ANKFN1: variants seen among roughly 807,000 people sequenced by gnomAD.
The protein encoded by ANKFN1 is ankyrin repeat and fibronectin type-III domain-containing protein 1.
Under a neutral mutation model 108.7 loss-of-function variants are expected in ANKFN1, and 74 were observed. That is an observed-to-expected ratio of 0.68 (90% CI 0.56 to 0.83). ANKFN1 has a LOEUF of 0.83. Among genes scored for constraint, ANKFN1 ranks in the 40% least tolerant of loss-of-function variants. ANKFN1 has a pLI of 0.00. For synonymous variants in ANKFN1, 547 were observed against 516.2 expected (o/e 1.06, Z -0.81); for missense variants, 1,505 against 1,382.3 (o/e 1.09, Z -1.41).
rs111996850 is a variant in ANKFN1 at position 56,457,009 on chromosome 17, A to G, written c.1307+49A>G. The G allele has an allele frequency of 8.6e-4, 1,332 of 1,543,638 alleles. 7 individuals are homozygous for G. The African/African-American group carries it at 8.8e-3, about 10-fold the overall frequency. On this transcript the variant is annotated intron_variant, in intron 12 of 20. Transcript: ENST00000682825. ...GGAAATCTTAACTTTTCAAGAATGCACTGGTTTTGGTTCTGAGTAGAAACT... is the reference window on the plus strand; with the variant it reads ...GGAAATCTTAACTTTTCAAGAATGCGCTGGTTTTGGTTCTGAGTAGAAACT...
chr17:56,105,717 G>GTGTC (rs1905738250), intron 4 of ANKFN1, among the ~76,000 whole-genome samples: 1 of 147,384 alleles, frequency 6.8e-6, no homozygotes, highest in Non-Finnish European at 1.5e-5. Flanking sequence ...TTGTCTGTGT[G>GTGTC]TGTGTGTGTG....
At chr17:56,146,246 G>C (rs1284914923) in intron 4 of ANKFN1, among the ~76,000 whole-genome samples, 2 of 152,170 alleles carry the variant, frequency 1.3e-5, no homozygotes, top group Admixed American at 1.3e-4. Flanking sequence ...CCTCTCAGCT[G>C]CTTTCATGGC....
chr17:56,227,669 C>A (rs571914957), intron 2 of ANKFN1, among the ~76,000 whole-genome samples: 1 of 152,104 alleles, frequency 6.6e-6, no homozygotes, highest in East Asian at 1.9e-4. Context: ...TCTTGAAATT[C>A]TAGGATACTA....
intron 4 of ANKFN1, among the ~76,000 whole-genome samples, chr17:56,082,259 TTTG>T (rs147027830): frequency 0.085 from 12,862 of 151,682 alleles, 903 homozygotes; most frequent in African/African-American, 0.2. Flanking sequence ...CAACCAAGTT[TTTG>T]TTGTTGTTGT....
chr17:56,146,678 CT>C (rs1472228063), intron 4 of ANKFN1, among the ~76,000 whole-genome samples: 1 of 152,178 alleles, frequency 6.6e-6, no homozygotes. Context: ...ATGCAGGGCA[CT>C]GTGTGCTGAG....
At chr17:56,414,371 G>A (rs967571776) in intron 8 of ANKFN1, among the ~76,000 whole-genome samples, 3 of 152,088 alleles carry the variant, frequency 2.0e-5, no homozygotes, top group Admixed American at 6.5e-5. Flanking sequence ...GGTGGAAGAG[G>A]AGGAACTTCC....
intron 4 of ANKFN1, among the ~76,000 whole-genome samples, chr17:56,143,998 A>G (rs1476388792): frequency 1.3e-5 from 2 of 152,124 alleles, no homozygotes; most frequent in African/African-American, 4.8e-5. Flanking sequence ...ATAATCTGCT[A>G]TAGTAACCCT....
At chr17:56,060,015 T>C (rs942569838) in intron 4 of ANKFN1, among the ~76,000 whole-genome samples, 2 of 152,218 alleles carry the variant, frequency 1.3e-5, no homozygotes, top group Non-Finnish European at 2.9e-5. Flanking sequence ...ATAAATTACT[T>C]TGGGCAGTAT....
intron 8 of ANKFN1, among the ~76,000 whole-genome samples, chr17:56,406,987 C>G (rs1362583605): frequency 2.6e-5 from 4 of 151,992 alleles, no homozygotes; most frequent in South Asian, 4.1e-4. Flanking sequence ...GAATTAGCCC[C>G]AAGAAGTATC....
rs898279131 is a variant in ANKFN1 at position 56,155,527 on chromosome 17, G to A, written c.-71+1997G>A. The stretch of plus-strand genomic sequence containing the variant: ...CCTTTTTTCTGGATAGCGTGGTCAG[G>A]AAGGTTCTCTTTGAGGAGGTGACAG... On this transcript the variant is annotated intron_variant, in intron 1 of 20. Transcript: ENST00000682825. Among the ~76,000 whole-genome samples the A allele has an allele frequency of 1.5e-4, 23 of 152,290 alleles. No individual in the cohort carries two copies. The South Asian group carries it at 1.7e-3, about 11-fold the overall frequency.
chr17:56,236,281 A>G (rs752308187), intron 3 of ANKFN1, among the ~76,000 whole-genome samples: 3 of 151,804 alleles, frequency 2.0e-5, no homozygotes, highest in Non-Finnish European at 4.4e-5. Flanking sequence ...ATGGTCTCGA[A>G]CTCCTGACCT....
chr17:56,052,359 T>C (rs1904793013), intron 4 of ANKFN1, among the ~76,000 whole-genome samples: 1 of 152,022 alleles, frequency 6.6e-6, no homozygotes, highest in Non-Finnish European at 1.5e-5. Context: ...CCAGTGGAAG[T>C]GGTGGGGCAG....
chr17:56,150,767 C>A (rs1908553723), upstream of ANKFN1, among the ~76,000 whole-genome samples: 1 of 152,118 alleles, frequency 6.6e-6, no homozygotes, highest in Non-Finnish European at 1.5e-5. Context: ...GACTCTCATT[C>A]CATGATGTCT....
intron 10 of ANKFN1, among the ~76,000 whole-genome samples, chr17:56,448,813 C>T (rs1313786213): frequency 6.6e-6 from 1 of 152,164 alleles, no homozygotes; most frequent in East Asian, 1.9e-4. Context: ...TCCCAAATTC[C>T]TGTTTTCTTT....
chr17:56,048,483 T>A (rs375103081), intron 4 of ANKFN1, among the ~76,000 whole-genome samples: 1 of 152,008 alleles, frequency 6.6e-6, no homozygotes, highest in Non-Finnish European at 1.5e-5. Flanking sequence ...GATTCTTTAT[T>A]TTTTTCTCTC....
At chr17:56,396,650 T>C (rs2047596098) in intron 8 of ANKFN1, among the ~76,000 whole-genome samples, 1 of 152,152 alleles carries the variant, frequency 6.6e-6, no homozygotes, top group Non-Finnish European at 1.5e-5. Flanking sequence ...GCCCATACCA[T>C]GTGCTAGCCA....
At chr17:56,188,541 G>GTA (rs200851638) in intron 1 of ANKFN1, among the ~76,000 whole-genome samples, 1 of 92,812 alleles carries the variant, frequency 1.1e-5, no homozygotes, top group Non-Finnish European at 2.0e-5. Context: ...AAAATAAGAT[G>GTA]TATATGTGTG....
intron 4 of ANKFN1, among the ~76,000 whole-genome samples, chr17:56,126,198 G>T (rs1275459895): frequency 6.6e-6 from 1 of 152,060 alleles, no homozygotes; most frequent in East Asian, 1.9e-4. Flanking sequence ...TCCTCCAGGG[G>T]TGTTTTTGCT....
Position 56,492,314 on chromosome 17 carries a change from TGCCAAACAA to T in ANKFN1, c.2389_2397del (p.Ala797_Gln799del), listed in dbSNP as rs2051066346. On this transcript the variant is annotated inframe_deletion, in exon 19 of 21. Coordinates refer to ENST00000682825, the MANE Select transcript of ANKFN1 (RefSeq NM_001370326.1). The stretch of plus-strand genomic sequence containing the variant: ...CAATCTCAGACAGCGAGGTTGCAGC[TGCCAAACAA>T]AGACACCAGCAAGTTTTAGATTTCA... 1.4e-6 allele frequency: 1 copy of T among 702,418 alleles called. No individual in the cohort carries two copies. The highest frequency in any genetic ancestry group is 2.6e-6 in the Non-Finnish European group (1 of 384,698). 43.5% of individuals were successfully genotyped at this position (702,418 alleles called of 1,614,324 possible). A position where few individuals can be genotyped will look rare whatever the true frequency, so the allele number is the denominator to read the frequency against.
Sources: gnomAD v4.1 joint callset for allele counts (sites outside exome capture counted in the v4.1 genomes callset) on GRCh38, gnomAD v4.1.1 for gene constraint, MANE v1.5 for transcripts, NCBI Gene and HGNC (gene_info 2026-07-23, HGNC 2026-07-21) for gene names.